The following SLC26A8 variants were observed in gnomAD, a reference collection of about 807,000 sequenced individuals.
SLC26A8 encodes the protein solute carrier family 26 member 8, also known as testis anion transporter 1.
Under a neutral mutation model 105.0 loss-of-function variants are expected in SLC26A8, and 70 were observed. The observed-to-expected ratio is 0.67, with a 90% CI of 0.55 to 0.81. SLC26A8 has a LOEUF of 0.81. SLC26A8 is among the 40% of genes least tolerant of loss of function. The pLI, the probability that SLC26A8 is intolerant of heterozygous loss-of-function variation, is 0.00. For synonymous variants in SLC26A8, 415 were observed against 438.3 expected, an observed-to-expected ratio of 0.95 and a Z score of 0.66; for missense variants, 998 against 1,181.8, an observed-to-expected ratio of 0.84 and a Z score of 2.28.
At chr6:35,993,890 G>A (rs1407426038) in intron 5 of SLC26A8, among the ~76,000 whole-genome samples, 1 of 151,776 alleles carries the variant, frequency 6.6e-6, no homozygotes, top group African/African-American at 2.4e-5. Flanking sequence ...ACAAAAAGAG[G>A]GTAGGTTAAG....
At chr6:35,963,801 T>C (rs1336047705) in intron 11 of SLC26A8, among the ~76,000 whole-genome samples, 1 of 152,192 alleles carries the variant, frequency 6.6e-6, no homozygotes, top group Non-Finnish European at 1.5e-5. Context: ...GAACTTACAC[T>C]CACAGAAACT....
At chr6:35,968,995 G>C in intron 10 of SLC26A8, 41 bp from the exon 11 acceptor site, 1 of 1,575,288 alleles carries the variant, frequency 6.3e-7, no homozygotes, top group Non-Finnish European at 8.7e-7. Context: ...CATCAGGAAC[G>C]TATTGGTCCC....
chr6:35,993,453 C>T (rs569396551), intron 5 of SLC26A8, among the ~76,000 whole-genome samples: 27 of 152,070 alleles, frequency 1.8e-4, no homozygotes, highest in African/African-American at 6.5e-4. Flanking sequence ...TGGCCTTTGA[C>T]TCTTATCTTT....
At chr6:35,955,682 T>G (rs1245789255) in intron 16 of SLC26A8, among the ~76,000 whole-genome samples, 162 bp from the exon 17 acceptor site, 2 of 152,174 alleles carry the variant, frequency 1.3e-5, no homozygotes, top group African/African-American at 4.8e-5. Flanking sequence ...ATCTGTCACT[T>G]CAAGCTCACA....
intron 5 of SLC26A8, among the ~76,000 whole-genome samples, chr6:35,994,175 C>T (rs1391054509): frequency 6.8e-5 from 9 of 132,670 alleles, no homozygotes; most frequent in South Asian, 2.4e-4. Context: ...AGTGCAGTGG[C>T]GTGATCTCGA....
At chr6:36,007,887 A>G (rs573964526) in intron 3 of SLC26A8, among the ~76,000 whole-genome samples, 6 of 152,132 alleles carry the variant, frequency 3.9e-5, no homozygotes, top group South Asian at 2.1e-4. Context: ...TTGGGAGGCC[A>G]AGGCGGGCAG....
chr6:35,977,107 G>T, intron 9 of SLC26A8, 97 bp downstream of exon 9: 1 of 1,325,600 alleles, frequency 7.5e-7, no homozygotes, highest in Non-Finnish European at 1.0e-6. Flanking sequence ...TGGTCCAAGT[G>T]GCTCTTCAGT....
intron 4 of SLC26A8, 61 bp downstream of exon 4, chr6:35,999,931 T>A: frequency 2.6e-6 from 3 of 1,143,496 alleles, no homozygotes; most frequent in Non-Finnish European, 3.9e-6. Context: ...ACCTTAGCAA[T>A]AAGTATATGA....
chr6:36,011,042 G>A (rs1015914399), intron 3 of SLC26A8, among the ~76,000 whole-genome samples: 5 of 152,118 alleles, frequency 3.3e-5, no homozygotes, highest in Non-Finnish European at 7.3e-5. Flanking sequence ...CAACCTGCCC[G>A]ATCACAAGCT....
rs749983760 is a variant in SLC26A8 at position 35,961,003 on chromosome 6, G to T, written c.1558C>A (p.Arg520Ser). Residue 520 changes from arginine to serine, a missense_variant, in exon 13 of 20, where the codon CGT becomes AGT. By Grantham distance (110) the Arg-to-Ser change is moderately radical. Coordinates refer to ENST00000490799, the MANE Select transcript of SLC26A8 (RefSeq NM_052961.4). ...CCTGAGACAAAGTACCTGTGTGAAC[G>T]AACAGTGGTGATGAAGAAAGCAGAA... Reference protein sequence around the residue: ...VVSAFFITTVRSHRAKILLLG... With the variant: ...VVSAFFITTVSSHRAKILLLG... 6.2e-7 allele frequency: 1 copy of T among 1,614,052 alleles called. No individual in the cohort carries two copies.
chr6:35,973,761 C>T (rs974425691), intron 10 of SLC26A8, among the ~76,000 whole-genome samples: 3 of 152,208 alleles, frequency 2.0e-5, no homozygotes, highest in Non-Finnish European at 2.9e-5. Context: ...GACTATGACA[C>T]TTTGTCTTTC....
chr6:35,955,418 C>A lies in SLC26A8; in HGVS notation c.1966G>T (p.Ala656Ser), dbSNP rs1178395346. The A allele has an allele frequency of 4.3e-6, 7 of 1,614,058 alleles. No homozygotes were observed. Among genetic ancestry groups the A allele is most frequent in the Non-Finnish European group, 5.9e-6 (7 of 1,180,040 alleles). ...GTGTATGGCACTTGGTCTTCGGATG[C>A]AGTTTGGCTTGTGTTCATGCTCTCA... is the stretch of plus-strand genomic sequence containing the variant. ...HFESMNTSQT[A>S]SEDQVPYTVS... Residue 656 changes from alanine to serine, a missense_variant, in exon 17 of 20, where the codon GCA (alanine) becomes TCA (serine). Physicochemically the swap from Ala to Ser is moderately conservative, Grantham distance 99. Transcript: ENST00000490799.
At chr6:36,021,643 A>G (rs952592412) in intron 1 of SLC26A8, among the ~76,000 whole-genome samples, 2 of 152,284 alleles carry the variant, frequency 1.3e-5, no homozygotes, top group East Asian at 1.9e-4. Flanking sequence ...CCATCGGTCA[A>G]TGTGGGGCCC....
At chr6:35,964,122 C>T (rs114571562) in intron 11 of SLC26A8, among the ~76,000 whole-genome samples, 6,144 of 152,102 alleles carry the variant, frequency 0.04, 385 homozygotes, top group African/African-American at 0.14. Context: ...GGTAGGAGGA[C>T]CACTTAAGCC....
At position 35,968,102 on chromosome 6, in the gene SLC26A8, C is replaced by A. The variant is rs147197896; in HGVS notation, c.1365+775G>T. ...ACCTCAAGTGATCTGCACACCTTGGCCTCCCAAAGTGCTGGGATTACACCA... is the reference window on the plus strand; with the variant it reads ...ACCTCAAGTGATCTGCACACCTTGGACTCCCAAAGTGCTGGGATTACACCA... On this transcript the variant is annotated intron_variant, in intron 11 of 19. Transcript: ENST00000490799. 4.3e-3 allele frequency among the ~76,000 whole-genome samples: 661 copies of A among 152,138 alleles called. 3 individuals are homozygous for A. Among genetic ancestry groups the A allele is most frequent in the Middle Eastern group, 0.027 (8 of 294 alleles).
At chr6:36,011,757 G>A (rs1237429932) in intron 3 of SLC26A8, among the ~76,000 whole-genome samples, 5 of 152,214 alleles carry the variant, frequency 3.3e-5, no homozygotes, top group East Asian at 1.9e-4. Flanking sequence ...ACAGGCACAC[G>A]TTACCAGGCC....
intron 1 of SLC26A8, among the ~76,000 whole-genome samples, chr6:36,020,979 G>C (rs1424279749): frequency 6.6e-6 from 1 of 152,168 alleles, no homozygotes; most frequent in Non-Finnish European, 1.5e-5. Context: ...CCTATGCCAT[G>C]CATTGCACTA....
At chr6:36,003,916 C>T (rs2127360962) in intron 3 of SLC26A8, among the ~76,000 whole-genome samples, 1 of 152,154 alleles carries the variant, frequency 6.6e-6, no homozygotes, top group East Asian at 1.9e-4. Context: ...CTGCCTCGGC[C>T]TCCCAAAGTG....
chr6:35,980,920 G>A (rs933835084), intron 8 of SLC26A8, among the ~76,000 whole-genome samples: 3 of 152,126 alleles, frequency 2.0e-5, no homozygotes, highest in African/African-American at 7.2e-5. Flanking sequence ...GGCTGAGCAG[G>A]AGAATCACTT....
Sources: gnomAD v4.1 joint callset for allele counts (sites outside exome capture counted in the v4.1 genomes callset) on GRCh38, gnomAD v4.1.1 for gene constraint, MANE v1.5 for transcripts, NCBI Gene and HGNC (gene_info 2026-07-23, HGNC 2026-07-21) for gene names.